Variants in SYCP1 observed in about 807,000 individuals in gnomAD.
SYCP1 encodes cancer/testis antigen 8.
SYCP1 carries 64 observed loss-of-function variants against 153.1 expected under a neutral mutation model. That is an observed-to-expected ratio of 0.42 (90% CI 0.34 to 0.51). The LOEUF is 0.51. Ranked by LOEUF, SYCP1 falls within the 20% of genes least tolerant of loss-of-function variation. The pLI is 0.06. For missense variants in SYCP1, 997 were observed against 1,049.0 expected (o/e 0.95, Z 0.68); for synonymous variants, 384 against 341.8 (o/e 1.12, Z -1.36).
At chr1:114,923,839 A>G (rs959517606) in intron 21 of SYCP1, among the ~76,000 whole-genome samples, 1 of 152,192 alleles carries the variant, frequency 6.6e-6, no homozygotes, top group Non-Finnish European at 1.5e-5. Flanking sequence ...TGGATGACAA[A>G]TTATTTAATA....
intron 16 of SYCP1, among the ~76,000 whole-genome samples, chr1:114,902,163 G>A (rs1470329472): frequency 1.3e-5 from 2 of 152,148 alleles, no homozygotes; most frequent in Non-Finnish European, 2.9e-5. Context: ...AAAAGGCCAT[G>A]GAAAGGCTGG....
At chr1:114,991,317 A>G (rs2101985773) in intron 30 of SYCP1, among the ~76,000 whole-genome samples, 1 of 151,986 alleles carries the variant, frequency 6.6e-6, no homozygotes, top group East Asian at 1.9e-4. Context: ...GGCCAGCATT[A>G]ATTACCTTGA....
rs748398093 is a variant in SYCP1 at position 114,885,670 on chromosome 1, C to G, written c.1005+41C>G. The stretch of plus-strand genomic sequence containing the variant: ...TCATTAGTGTGTAATAAGTCTCACC[C>G]TATCAATCAGTCAACAAATATTTAT... On this transcript the variant is annotated intron_variant, in intron 13 of 31. Coordinates refer to ENST00000369522, the MANE Select transcript of SYCP1 (RefSeq NM_003176.4). 2.2e-5 allele frequency: 25 copies of G among 1,149,608 alleles called. No homozygotes were observed. The African/African-American group carries it at 2.6e-4, about 12-fold the overall frequency. 71.2% of individuals were successfully genotyped at this position (1,149,608 alleles called of 1,614,324 possible).
intron 29 of SYCP1, 60 bp downstream of exon 29, chr1:114,981,572 T>A: frequency 7.0e-7 from 1 of 1,436,358 alleles, no homozygotes; most frequent in Admixed American, 2.3e-5. Flanking sequence ...TAAAGTTCTG[T>A]TATCACCATA....
chr1:114,969,488 A>G (rs1206144357), intron 27 of SYCP1, among the ~76,000 whole-genome samples: 2 of 151,624 alleles, frequency 1.3e-5, no homozygotes, highest in Non-Finnish European at 2.9e-5. Context: ...ACTCCCCTCC[A>G]CCTCCCCCAA....
In SYCP1 at chr1:114,888,489, C is replaced by T. The variant is rs12095414; in HGVS notation, c.1258+796C>T. ...CAAGTAGTTAGGTTGTTTGGTTGAA[C>T]TTTTGGACCATATTTATCCTTTTTT... is the stretch of plus-strand genomic sequence containing the variant. On this transcript the variant is annotated intron_variant, in intron 15 of 31. Coordinates refer to ENST00000369522, the MANE Select transcript of SYCP1 (RefSeq NM_003176.4). Among the ~76,000 whole-genome samples the T allele has an allele frequency of 4.9e-3, 743 of 151,728 alleles. 8 individuals carry two copies. Among genetic ancestry groups the T allele is most frequent in the African/African-American group, 0.017 (695 of 41,380 alleles).
chr1:114,963,436 A>G (rs1187029880), intron 27 of SYCP1, among the ~76,000 whole-genome samples: 1 of 152,238 alleles, frequency 6.6e-6, no homozygotes, highest in Non-Finnish European at 1.5e-5. Flanking sequence ...CAAGTTTGTT[A>G]CATAGGTATA....
intron 24 of SYCP1, 37 bp downstream of exon 24, chr1:114,944,492 T>TA: frequency 1.8e-6 from 2 of 1,138,080 alleles, no homozygotes; most frequent in Non-Finnish European, 2.5e-6. Context: ...CTTATTATAC[T>TA]AAAAATCTAT....
intron 27 of SYCP1, among the ~76,000 whole-genome samples, chr1:114,960,724 A>G (rs1005518750): frequency 5.3e-5 from 8 of 152,110 alleles, no homozygotes; most frequent in African/African-American, 1.2e-4. Flanking sequence ...GAAATGTATT[A>G]TCTTTTTGAT....
intron 23 of SYCP1, among the ~76,000 whole-genome samples, chr1:114,928,437 C>A (rs891956362): frequency 1.6e-4 from 24 of 151,986 alleles, no homozygotes; most frequent in Non-Finnish European, 3.2e-4. Context: ...CTGTATGCAG[C>A]AAAAAGCTTT....
chr1:114,931,386 G>C (rs906905631), intron 23 of SYCP1, among the ~76,000 whole-genome samples: 7 of 152,028 alleles, frequency 4.6e-5, no homozygotes, highest in Admixed American at 3.9e-4. Context: ...ATTTGACAAA[G>C]TCACTGGATA....
intron 16 of SYCP1, among the ~76,000 whole-genome samples, chr1:114,898,087 A>G (rs1453455718): frequency 6.6e-6 from 1 of 152,208 alleles, no homozygotes; most frequent in Non-Finnish European, 1.5e-5. Flanking sequence ...ACTCACCTGC[A>G]CTGTGCCTTT....
rs369985784 is a variant in SYCP1, at chr1:114,860,794, G to A, written c.583G>A (p.Glu195Lys). 6.3e-6 allele frequency: 10 copies of A among 1,588,870 alleles called. No individual in the cohort carries two copies. The African/African-American group carries it at 1.2e-4, about 19-fold the overall frequency. ...LLKETCARSA[E>K]KTKKYEYERE... is the part of the protein sequence containing the mutation. Reference sequence around the variant, plus strand: ...CAAAGAAACCTGTGCTAGATCTGCAGAAAAGACAAAGAAATGTAAATATCT... The same window carrying A: ...CAAAGAAACCTGTGCTAGATCTGCAAAAAAGACAAAGAAATGTAAATATCT... Residue 195 changes from glutamate (E) to lysine (K), a missense_variant, in exon 8 of 32, where the codon GAA becomes AAA. By Grantham distance (56) the Glu-to-Lys change is moderately conservative. This residue lies in a region of SYCP1 where 285 missense variants were observed against 366.1 expected (regional missense o/e 0.78). Coordinates refer to ENST00000369522, the MANE Select transcript of SYCP1 (RefSeq NM_003176.4).
At chr1:114,923,419 G>A in intron 20 of SYCP1, 30 bp from the exon 21 acceptor site, 1 of 1,532,878 alleles carries the variant, frequency 6.5e-7, no homozygotes. Context: ...ATAATTTTTA[G>A]TATAATGTCA....
chr1:114,880,045 T>C (rs1665813253), intron 12 of SYCP1, among the ~76,000 whole-genome samples: 2 of 152,242 alleles, frequency 1.3e-5, no homozygotes, highest in Non-Finnish European at 2.9e-5. Context: ...AGCTATTCTC[T>C]GTTTATTTCA....
Position 114,944,900 on chromosome 1 carries a change from A to C in SYCP1, c.2072A>C (p.Glu691Ala), listed in dbSNP as rs150417764. Residue 691 changes from glutamate (E) to alanine (A), a missense_variant, in exon 25 of 32, where the codon GAA (glutamate) becomes GCA (alanine). Physicochemically the swap from Glu to Ala is moderately radical, Grantham distance 107 (BLOSUM62 -1). Transcript: ENST00000369522. ...GAGAAAGCAAAAGTAATAGCTGATG[A>C]AGCAGTAAAATTACAGAAAGAAATT... ...EVEKAKVIAD[E>A]AVKLQKEIDK... is the part of the protein sequence containing the mutation. 276 of 1,602,102 alleles carry C rather than the reference A, an allele frequency of 1.7e-4. 3 individuals are homozygous for C. In the African/African-American group the frequency reaches 3.4e-3, roughly 20 times the overall value.
At chr1:114,875,172 ATATG>A (rs3073240) in intron 9 of SYCP1, among the ~76,000 whole-genome samples, 5,491 of 123,762 alleles carry the variant, frequency 0.044, 121 homozygotes, top group African/African-American at 0.076. Context: ...CATGTATTTG[ATATG>A]TGTGTGTGTG....
intron 8 of SYCP1, among the ~76,000 whole-genome samples, chr1:114,871,357 G>A (rs1665109905): frequency 1.3e-5 from 2 of 151,664 alleles, no homozygotes; most frequent in African/African-American, 4.8e-5. Context: ...CAGTAGTGAC[G>A]GGGTTTTGTC....
At chr1:114,856,254 G>T (rs1350719449) in intron 2 of SYCP1, among the ~76,000 whole-genome samples, 1 of 152,040 alleles carries the variant, frequency 6.6e-6, no homozygotes, top group African/African-American at 2.4e-5. Flanking sequence ...TCTATCAAGG[G>T]AAATCATAAA....
Sources: allele counts gnomAD v4.1 joint callset (sites outside exome capture counted in the v4.1 genomes callset), GRCh38; gene constraint gnomAD v4.1.1; regional missense constraint gnomAD v4.1.1; transcripts MANE v1.5; gene names NCBI Gene and HGNC (gene_info 2026-07-23, HGNC 2026-07-21).